The following PDE8B variants were observed in gnomAD, a reference collection of about 807,000 sequenced individuals.
PDE8B encodes the protein high affinity cAMP-specific and IBMX-insensitive 3',5'-cyclic phosphodiesterase 8B.
A neutral mutation model predicts 101.3 loss-of-function variants in PDE8B; 26 were observed. That is an observed-to-expected ratio of 0.26 (90% CI 0.19 to 0.36). The LOEUF (loss-of-function observed/expected upper bound fraction) is 0.36. Ranked by LOEUF, PDE8B falls within the 10% of genes least tolerant of loss-of-function variation. The pLI, the probability that PDE8B is intolerant of heterozygous loss-of-function variation, is 1.00. For missense variants in PDE8B, 810 were observed against 1,163.1 expected (o/e 0.70, Z 4.42); for synonymous variants, 424 against 429.3 (o/e 0.99, Z 0.15).
At chr5:77,365,249 G>A (rs1254977387) in intron 10 of PDE8B, among the ~76,000 whole-genome samples, 1 of 150,566 alleles carries the variant, frequency 6.6e-6, no homozygotes, top group Non-Finnish European at 1.5e-5. Flanking sequence ...GGTCTGGGGT[G>A]CAGTCTGGGC....
intron 1 of PDE8B, among the ~76,000 whole-genome samples, chr5:77,273,716 G>C (rs530773417): frequency 7.2e-5 from 11 of 152,136 alleles, no homozygotes; most frequent in African/African-American, 2.6e-4. Flanking sequence ...AGCCATTTGA[G>C]GTGGACAAAA....
the PDE8B span, chr5:77,166,603 A>G: frequency 5.9e-5 from 9 of 152,288 alleles, no homozygotes; most frequent in African/African-American, 1.9e-4. Flanking sequence ...GGGTGAGAGA[A>G]TGAACACTCC....
intron 1 of PDE8B, 85 bp from the exon 2 acceptor site, chr5:77,311,909 A>G (rs1405153172): frequency 3.8e-6 from 4 of 1,054,936 alleles, no homozygotes; most frequent in African/African-American, 3.1e-5. Flanking sequence ...ACACGGTGGC[A>G]TAATGCAATG....
the PDE8B span, among the ~76,000 whole-genome samples, chr5:77,102,694 G>GAGGCACCAACC: frequency 0.032 from 4,839 of 152,230 alleles, 99 homozygotes; most frequent in Middle Eastern, 0.061. Flanking sequence ...AAACCCTTGG[G>GAGGCACCAACC]AGGCACCAGG....
At chr5:77,393,411 GAAAGAA>G (rs758186753) in intron 10 of PDE8B, among the ~76,000 whole-genome samples, 59 of 149,890 alleles carry the variant, frequency 3.9e-4, no homozygotes, top group African/African-American at 4.4e-4. Flanking sequence ...AAAAAAGAAA[GAAAGAA>G]AAAGAAAAAG....
At chr5:77,230,089 C>G (rs1216762601) in intron 1 of PDE8B, among the ~76,000 whole-genome samples, 4 of 152,156 alleles carry the variant, frequency 2.6e-5, no homozygotes, top group Non-Finnish European at 4.4e-5. Context: ...ATGTTTTCAC[C>G]AACACTTGTT....
chr5:77,412,260 C>T, intron 16 of PDE8B, 25 bp downstream of exon 16: 1 of 1,612,964 alleles, frequency 6.2e-7, no homozygotes, highest in African/African-American at 1.3e-5. Context: ...TGGCTGAAGG[C>T]AGAGCAGGAT....
chr5:77,303,770 A>G (rs1215579101), intron 1 of PDE8B, among the ~76,000 whole-genome samples: 2 of 152,176 alleles, frequency 1.3e-5, no homozygotes, highest in Non-Finnish European at 2.9e-5. Flanking sequence ...TGTAAACTTC[A>G]AGTGGTATCC....
chr5:77,371,588 A>G (rs961719565), intron 10 of PDE8B, among the ~76,000 whole-genome samples: 3 of 152,198 alleles, frequency 2.0e-5, no homozygotes, highest in Non-Finnish European at 4.4e-5. Flanking sequence ...ATTTCTATAT[A>G]AATTTTAGAA....
At chr5:77,123,251 G>A in the PDE8B span, among the ~76,000 whole-genome samples, 1 of 151,988 alleles carries the variant, frequency 6.6e-6, no homozygotes, top group Non-Finnish European at 1.5e-5. Flanking sequence ...AGCTAAGCAT[G>A]CTAGCTTAGC....
rs984886747 is a variant in PDE8B, at chr5:77,211,413, G to A, written c.339+149G>A. ...AAGGAGGAGTTTACTTTTCATTTGT[G>A]GAGATGATGGGAGCCCAGGAAATGT... On this transcript the variant is annotated intron_variant, in intron 1 of 21. Coordinates refer to ENST00000264917, the MANE Select transcript of PDE8B (RefSeq NM_003719.5). This position sits in a 1 kb window ranked among gnomAD's most constrained non-coding sequence, Gnocchi z 4.1. The A allele has an allele frequency of 2.7e-6, 2 of 734,772 alleles. No homozygotes were observed. The highest frequency in any genetic ancestry group is 3.8e-5 in the African/African-American group (2 of 53,266). The allele number at this position is 734,772 out of a possible 1,614,324, so 45.5% of individuals were successfully genotyped here.
At chr5:77,126,061 C>T in the PDE8B span, among the ~76,000 whole-genome samples, 11 of 152,102 alleles carry the variant, frequency 7.2e-5, no homozygotes, top group Non-Finnish European at 1.2e-4. Context: ...CTGAGGTGGG[C>T]GGATCACGAG....
Position 77,426,595 on chromosome 5 carries a change from C to A in PDE8B, c.*41C>A, listed in dbSNP as rs762188808. 1 of 1,018,566 alleles carries A rather than the reference C, an allele frequency of 9.8e-7. No homozygotes were observed. The highest frequency in any genetic ancestry group is 1.6e-6 in the Non-Finnish European group (1 of 638,984). 63.1% of individuals were successfully genotyped at this position (1,018,566 alleles called of 1,614,324 possible). On this transcript the variant is annotated 3_prime_UTR_variant, in exon 22 of 22. Coordinates refer to ENST00000264917, the MANE Select transcript of PDE8B (RefSeq NM_003719.5). ...GGGGCCTCTTGACCGACAAAGGACACTGTGAATCACAGTAGCGTAAACGAG... is the reference window on the plus strand; with the variant it reads ...GGGGCCTCTTGACCGACAAAGGACAATGTGAATCACAGTAGCGTAAACGAG...
At chr5:77,090,309 G>A in the PDE8B span, among the ~76,000 whole-genome samples, 1 of 151,958 alleles carries the variant, frequency 6.6e-6, no homozygotes, top group Non-Finnish European at 1.5e-5. Context: ...GCACGATCTC[G>A]GCTCACTGCA....
chr5:77,091,380 C>T, the PDE8B span, among the ~76,000 whole-genome samples: 1 of 152,198 alleles, frequency 6.6e-6, no homozygotes, highest in Non-Finnish European at 1.5e-5. Context: ...TGGCTCACGC[C>T]TGTAATCCCA....
intron 1 of PDE8B, among the ~76,000 whole-genome samples, chr5:77,267,464 AAC>A (rs1158160633): frequency 1.3e-5 from 2 of 148,312 alleles, no homozygotes; most frequent in African/African-American, 5.2e-5. Context: ...AAGGGTGGAA[AAC>A]ATTGCATTGC....
At chr5:77,241,829 A>G (rs1755823879) in intron 1 of PDE8B, among the ~76,000 whole-genome samples, 1 of 152,218 alleles carries the variant, frequency 6.6e-6, no homozygotes, top group African/African-American at 2.4e-5. Context: ...ATTTTGCTTT[A>G]AAGTTTTAAA....
the PDE8B span, among the ~76,000 whole-genome samples, chr5:77,190,489 T>C: frequency 1.3e-5 from 2 of 152,198 alleles, no homozygotes; most frequent in South Asian, 2.1e-4. Flanking sequence ...AATGGGATAA[T>C]AGAAGAGAAA....
At chr5:77,423,249 T>A (rs1033074432) in intron 20 of PDE8B, among the ~76,000 whole-genome samples, 1 of 152,226 alleles carries the variant, frequency 6.6e-6, no homozygotes, top group Non-Finnish European at 1.5e-5. Context: ...ATTTTCTTCA[T>A]CCAGTCCACC....
Sources: gnomAD v4.1 joint callset for allele counts (sites outside exome capture counted in the v4.1 genomes callset) on GRCh38, gnomAD v4.1.1 for gene constraint, Gnocchi (gnomAD v3.1) non-coding constraint, MANE v1.5 for transcripts, NCBI Gene and HGNC (gene_info 2026-07-23, HGNC 2026-07-21) for gene names.